Variants in PIP5K1C observed in about 807,000 individuals in gnomAD.
PIP5K1C encodes phosphatidylinositol 4-phosphate 5-kinase type-1 gamma.
A neutral mutation model predicts 80.1 loss-of-function variants in PIP5K1C; 45 were observed. That is an observed-to-expected ratio of 0.56 (90% CI 0.44 to 0.72). The LOEUF is 0.72. Among genes scored for constraint, PIP5K1C ranks in the 30% least tolerant of loss-of-function variants. The probability of loss-of-function intolerance (pLI) is 0.00; values close to 1 mark genes in which losing one functional copy is unlikely to be tolerated. For missense variants in PIP5K1C, 753 were observed against 954.6 expected, an observed-to-expected ratio of 0.79 and a Z score of 2.78; for synonymous variants, 498 against 420.1, an observed-to-expected ratio of 1.19 and a Z score of -2.27.
chr19:3,653,723 GGACCCC>G, intron 6 of PIP5K1C, 134 bp from the exon 7 acceptor site: 2 of 815,316 alleles, frequency 2.5e-6, no homozygotes, highest in Non-Finnish European at 3.8e-6. Context: ...AAGCCCTCGG[GGACCCC>G]GTTCCTATGC....
chr19:3,689,132 T>C (rs10403655), intron 1 of PIP5K1C, among the ~76,000 whole-genome samples: 64,030 of 151,888 alleles, frequency 0.42, 15,057 homozygotes, highest in African/African-American at 0.63. Context: ...ATCCAGTTAT[T>C]CTCCCACCTC....
At chr19:3,676,822 G>C (rs908675445) in intron 1 of PIP5K1C, among the ~76,000 whole-genome samples, 9 of 152,206 alleles carry the variant, frequency 5.9e-5, no homozygotes, top group Non-Finnish European at 1.0e-4. Flanking sequence ...ACTTTAAAAA[G>C]AAATATAAGA....
chr19:3,679,610 G>A (rs1240112037), intron 1 of PIP5K1C, among the ~76,000 whole-genome samples: 4 of 152,188 alleles, frequency 2.6e-5, no homozygotes, highest in African/African-American at 7.2e-5. Context: ...TGGGGCAGGC[G>A]GGCTGGGCTG....
At chr19:3,654,132 G>A (rs2034542995) in intron 6 of PIP5K1C, among the ~76,000 whole-genome samples, 1 of 152,202 alleles carries the variant, frequency 6.6e-6, no homozygotes, top group Non-Finnish European at 1.5e-5. Flanking sequence ...CTCCGAAAGT[G>A]CCAGGACTCC....
intron 16 of PIP5K1C, 64 bp downstream of exon 16, chr19:3,638,820 T>G (rs547647149): frequency 6.2e-7 from 1 of 1,604,708 alleles, no homozygotes; most frequent in Non-Finnish European, 8.5e-7. Context: ...GTGCACACGG[T>G]GGAGCGTGTG....
intron 1 of PIP5K1C, among the ~76,000 whole-genome samples, 170 bp downstream of exon 1, chr19:3,700,127 C>A (rs1404974486): frequency 1.3e-5 from 2 of 151,664 alleles, no homozygotes; most frequent in Non-Finnish European, 1.5e-5. Context: ...CCCGGCGCGG[C>A]TTCAGCCCCG....
chr19:3,641,574 G>C, intron 15 of PIP5K1C, 131 bp downstream of exon 15: 3 of 722,218 alleles, frequency 4.2e-6, no homozygotes, highest in Non-Finnish European at 7.4e-6. Context: ...ATAAACTTAT[G>C]GGAAAATCCA....
chr19:3,679,476 G>A (rs920542032), intron 1 of PIP5K1C, among the ~76,000 whole-genome samples: 1 of 152,192 alleles, frequency 6.6e-6, no homozygotes, highest in African/African-American at 2.4e-5. Context: ...TCCTCACACT[G>A]CACATCAGTT....
chr19:3,641,670 T>G (rs748326473), intron 15 of PIP5K1C, 35 bp downstream of exon 15: 2 of 1,539,780 alleles, frequency 1.3e-6, no homozygotes, highest in East Asian at 2.2e-5. Context: ...CCGCAGCAGG[T>G]GGGCGCCCCG....
intron 5 of PIP5K1C, among the ~76,000 whole-genome samples, chr19:3,656,848 G>A (rs369362385): frequency 2.6e-5 from 4 of 152,228 alleles, no homozygotes; most frequent in East Asian, 1.9e-4. Context: ...GGGTGCTGAC[G>A]CGCGTGGCTA....
In PIP5K1C at chr19:3,631,016, C is replaced by G. The variant is rs771660452; in HGVS notation, c.*2151G>C. ...CTGAAAAGGAACCAAAAAACACAAC[C>G]AACACCAAGTATATCTCCAAAAGGG... On this transcript the variant is annotated 3_prime_UTR_variant, in exon 18 of 18. Coordinates refer to ENST00000335312, the MANE Select transcript of PIP5K1C (RefSeq NM_012398.3). 3.3e-5 allele frequency: 5 copies of G among 152,276 alleles called. No individual in the cohort carries two copies. The highest frequency in any genetic ancestry group is 3.3e-4 in the Admixed American group (5 of 15,286). The allele number at this position is 152,276 out of a possible 1,614,324, so 9.4% of individuals were successfully genotyped here.
chr19:3,672,787 G>GCAGGCA (rs1383619128), intron 1 of PIP5K1C, among the ~76,000 whole-genome samples: 1 of 152,166 alleles, frequency 6.6e-6, no homozygotes, highest in Non-Finnish European at 1.5e-5. Context: ...GGCACCTGCA[G>GCAGGCA]GGCACTGTGA....
intron 1 of PIP5K1C, among the ~76,000 whole-genome samples, chr19:3,679,443 C>T (rs1190307754): frequency 6.6e-6 from 1 of 152,224 alleles, no homozygotes; most frequent in African/African-American, 2.4e-5. Flanking sequence ...CACCTTCCTA[C>T]CCGCCTTGCA....
At position 3,645,939 on chromosome 19, in the gene PIP5K1C, G is replaced by GGAC. The variant is rs751945864; in HGVS notation, c.1345+34_1345+35insGTC. ...CCACGGCGCTCTGGGCCTTCCCCAGGGTCCCTCCCGCCTTGCGGGGCTCAG... is the reference window on the plus strand; with the variant it reads ...CCACGGCGCTCTGGGCCTTCCCCAGGGACGTCCCTCCCGCCTTGCGGGGCTCAG... On this transcript the variant is annotated intron_variant, in intron 11 of 17. Transcript: ENST00000335312. 29 of 1,549,130 alleles carry GGAC rather than the reference G, an allele frequency of 1.9e-5. No individual in the cohort carries two copies. The Admixed American group carries it at 3.2e-4, about 17-fold the overall frequency.
intron 12 of PIP5K1C, among the ~76,000 whole-genome samples, chr19:3,643,729 TCCCTCA>T (rs1434351247): frequency 6.9e-6 from 1 of 145,686 alleles, no homozygotes; most frequent in Admixed American, 6.8e-5. Context: ...TCCTTGCTGT[TCCCTCA>T]GCAGGTGTGG....
chr19:3,685,204 TG>T (rs1169496100), intron 1 of PIP5K1C, among the ~76,000 whole-genome samples: 1 of 152,176 alleles, frequency 6.6e-6, no homozygotes, highest in African/African-American at 2.4e-5. Flanking sequence ...CTCACACGGC[TG>T]GGGGTGATGC....
rs201700016 is a variant in PIP5K1C at position 3,645,955 on chromosome 19, C to T, written c.1345+19G>A. On this transcript the variant is annotated intron_variant, in intron 11 of 17. Transcript: ENST00000335312. Reference sequence around the variant, plus strand: ...CTTCCCCAGGGTCCCTCCCGCCTTGCGGGGCTCAGGTGGCTTACAGGAGTT... The same window carrying T: ...CTTCCCCAGGGTCCCTCCCGCCTTGTGGGGCTCAGGTGGCTTACAGGAGTT... 4.4e-6 allele frequency: 7 copies of T among 1,601,872 alleles called. No homozygotes were observed. Among genetic ancestry groups the T allele is most frequent in the South Asian group, 3.3e-5 (3 of 90,864 alleles).
rs2033486199 is a variant in PIP5K1C at position 3,632,059 on chromosome 19, T to G, written c.*1108A>C. On this transcript the variant is annotated 3_prime_UTR_variant, in exon 18 of 18. Transcript: ENST00000335312. ...GAAGCTGCCCCAGGGCAGTCTGGGC[T>G]GAGTCCCACCACTGGGAGCGCTGCC... 1.3e-5 allele frequency: 2 copies of G among 152,286 alleles called. No homozygotes were observed. Among genetic ancestry groups the G allele is most frequent in the African/African-American group, 4.8e-5 (2 of 41,468 alleles). The allele number at this position is 152,286 out of a possible 1,614,324, so 9.4% of individuals were successfully genotyped here.
intron 1 of PIP5K1C, among the ~76,000 whole-genome samples, chr19:3,670,268 C>A (rs368050525): frequency 1.2e-4 from 19 of 152,304 alleles, no homozygotes; most frequent in African/African-American, 4.6e-4. Flanking sequence ...AGAACCTCAG[C>A]CTGCAACCGT....
Sources: allele counts gnomAD v4.1 joint callset (sites outside exome capture counted in the v4.1 genomes callset), GRCh38; gene constraint gnomAD v4.1.1; transcripts MANE v1.5; gene names NCBI Gene and HGNC (gene_info 2026-07-23, HGNC 2026-07-21).